Variants in PSMD11 observed in about 807,000 individuals in gnomAD.
The protein encoded by PSMD11 is 26S proteasome non-ATPase regulatory subunit 11.
PSMD11 carries 5 observed loss-of-function variants against 62.3 expected under a neutral mutation model. The observed-to-expected ratio is 0.08, with a 90% CI of 0.04 to 0.17. PSMD11 has a LOEUF of 0.17. Ranked by LOEUF, PSMD11 falls within the 10% of genes least tolerant of loss-of-function variation. The probability of loss-of-function intolerance (pLI) is 1.00; values close to 1 mark genes in which losing one functional copy is unlikely to be tolerated. For missense variants in PSMD11, 310 were observed against 512.9 expected, an observed-to-expected ratio of 0.60 and a Z score of 3.82; for synonymous variants, 191 against 191.8, an observed-to-expected ratio of 1.00 and a Z score of 0.03.
intron 3 of PSMD11, among the ~76,000 whole-genome samples, chr17:32,462,109 G>C (rs1907862443): frequency 6.6e-6 from 1 of 152,164 alleles, no homozygotes; most frequent in Admixed American, 6.5e-5. Flanking sequence ...CTCTATTCTA[G>C]ACTAATGAAT....
rs539512290 is a variant in PSMD11, at chr17:32,444,900, C to G, written c.91+286C>G. The G allele has an allele frequency of 1.8e-4, 90 of 504,172 alleles. 3 individuals are homozygous for G. In the South Asian group the frequency reaches 2.0e-3, roughly 11 times the overall value. 31.2% of individuals were successfully genotyped at this position (504,172 alleles called of 1,614,324 possible). On this transcript the variant is annotated intron_variant, in intron 1 of 13. Transcript: ENST00000261712. ...CCGAGCCGGGCCCCCGGGGATCCCT[C>G]CCTAGCCATGTCCCCGGCTCTGGCC...
At chr17:32,478,018 C>T (rs1908380689) in intron 9 of PSMD11, among the ~76,000 whole-genome samples, 2 of 152,186 alleles carry the variant, frequency 1.3e-5, no homozygotes, top group Admixed American at 6.5e-5. Flanking sequence ...CAGGTCTGCT[C>T]CTCTGTGGAC....
rs137933727 is a variant in PSMD11, at chr17:32,454,090, C to T, written c.194-405C>T. Among the ~76,000 whole-genome samples the T allele has an allele frequency of 5.8e-3, 880 of 152,256 alleles. 9 individuals are homozygous for T. Among genetic ancestry groups the T allele is most frequent in the African/African-American group, 0.019 (787 of 41,534 alleles). ...ACTTGGAAGTTAGAAAAAAATTACC[C>T]CTATGACCTGATCATATTTATTGGT... On this transcript the variant is annotated intron_variant, in intron 2 of 13. Coordinates refer to ENST00000261712, the MANE Select transcript of PSMD11 (RefSeq NM_002815.4).
At position 32,477,986 on chromosome 17, in the gene PSMD11, A is replaced by G. The variant is rs117339146; in HGVS notation, c.912+403A>G. ...TGTTCCACATGACACAGTTGTAGGC[A>G]TTCCTTCAGCTCCAGAAATGCCAGG... On this transcript the variant is annotated intron_variant, in intron 9 of 13. Coordinates refer to ENST00000261712, the MANE Select transcript of PSMD11 (RefSeq NM_002815.4). 1.8e-3 allele frequency among the ~76,000 whole-genome samples: 278 copies of G among 152,346 alleles called. No homozygotes were observed. The Middle Eastern group carries it at 0.02, about 11-fold the overall frequency.
chr17:32,469,041 C>T lies in PSMD11; in HGVS notation c.491C>T (p.Ala164Val). The change falls in exon 6 of 14, where the codon GCT (alanine) becomes GTT (valine). Residue 164 changes from alanine to valine, a missense_variant. By Grantham distance (64) the Ala-to-Val change is moderately conservative (BLOSUM62 0). Coordinates refer to ENST00000261712, the MANE Select transcript of PSMD11 (RefSeq NM_002815.4). Reference sequence around the variant, plus strand: ...GAGTTGAAAAAGATGGACGACAAAGCTCTTTTGGTGGAAGTACAGCTTTTA... The same window carrying T: ...GAGTTGAAAAAGATGGACGACAAAGTTCTTTTGGTGGAAGTACAGCTTTTA... Reference protein sequence around the residue: ...LRELKKMDDKALLVEVQLLES... With the variant: ...LRELKKMDDKVLLVEVQLLES... 1.9e-6 allele frequency: 3 copies of T among 1,613,860 alleles called. No homozygotes were observed. The highest frequency in any genetic ancestry group is 2.5e-6 in the Non-Finnish European group (3 of 1,179,962).
chr17:32,479,375 A>G lies in PSMD11; in HGVS notation c.1037A>G (p.Gln346Arg). The change falls in exon 10 of 14, where the codon CAG becomes CGG. Residue 346 changes from glutamine (Q) to arginine (R), a missense_variant and splice_region_variant. By Grantham distance (43) the Gln-to-Arg change is conservative. Transcript: ENST00000261712. ...IRVIEPFSRV[Q>R]IEHISSLIKL... ...GTCATTGAGCCTTTTTCCAGAGTAC[A>G]GGTGAGAACCCTCTGGGGACTCCAT... 6.2e-7 allele frequency: 1 copy of G among 1,614,112 alleles called. No individual in the cohort carries two copies. Among genetic ancestry groups the G allele is most frequent in the South Asian group, 1.1e-5 (1 of 91,072 alleles).
chr17:32,463,698 C>T (rs559098868), intron 3 of PSMD11, among the ~76,000 whole-genome samples: 1 of 152,188 alleles, frequency 6.6e-6, no homozygotes, highest in African/African-American at 2.4e-5. Context: ...CTATTTCTAA[C>T]CAGGGAGAAA....
rs935865971 is a variant in PSMD11, at chr17:32,480,385, C to A, written c.1127-104C>A. On this transcript the variant is annotated intron_variant, in intron 12 of 13. Transcript: ENST00000261712. The stretch of plus-strand genomic sequence containing the variant: ...GAATAGGGAGATGAATTCTATTTCC[C>A]TTCTTTTCTGGACACAGTGAGTCAA... The A allele has an allele frequency of 2.5e-5, 37 of 1,498,018 alleles. No individual in the cohort carries two copies. The Admixed American group carries it at 6.0e-4, about 24-fold the overall frequency. 92.8% of individuals were successfully genotyped at this position (1,498,018 alleles called of 1,614,324 possible).
chr17:32,451,917 AG>A (rs1044290595), intron 2 of PSMD11, among the ~76,000 whole-genome samples: 91 of 151,968 alleles, frequency 6.0e-4, no homozygotes, highest in African/African-American at 2.2e-3. Flanking sequence ...TTTTGTAGAG[AG>A]GGGGTTTCGC....
At chr17:32,468,918 A>G in intron 5 of PSMD11, 81 bp from the exon 6 acceptor site, 1 of 1,151,674 alleles carries the variant, frequency 8.7e-7, no homozygotes, top group Non-Finnish European at 1.2e-6. Flanking sequence ...TTTAATCCTG[A>G]GTGTTATGAG....
At chr17:32,464,227 C>G in intron 4 of PSMD11, 107 bp downstream of exon 4, 1 of 1,052,996 alleles carries the variant, frequency 9.5e-7, no homozygotes, top group Non-Finnish European at 1.5e-6. Flanking sequence ...TTGTAATTAC[C>G]TAGATACCGA....
Position 32,464,561 on chromosome 17 carries a change from A to C in PSMD11, c.431A>C (p.Gln144Pro). The change falls in exon 5 of 14, where the codon CAG becomes CCG. Residue 144 changes from glutamine to proline, a missense_variant. By Grantham distance (76) the Gln-to-Pro change is moderately conservative (BLOSUM62 -1). Transcript: ENST00000261712. ...TTGTACTTTGATACCAAGAGGTACC[A>C]GGAAGCATTGCATTTGGGTAAGTAA... ...VSLYFDTKRY[Q>P]EALHLGSQLL... is the part of the protein sequence containing the mutation. The C allele has an allele frequency of 6.2e-7, 1 of 1,609,640 alleles. No homozygotes were observed. The highest frequency in any genetic ancestry group is 1.7e-4 in the Middle Eastern group (1 of 6,048).
At chr17:32,473,715 G>C (rs764901132) in intron 6 of PSMD11, 86 bp from the exon 7 acceptor site, 1 of 1,423,730 alleles carries the variant, frequency 7.0e-7, no homozygotes, top group Non-Finnish European at 9.7e-7. Context: ...TGCCCATTTA[G>C]GTAGATGTCT....
intron 5 of PSMD11, among the ~76,000 whole-genome samples, chr17:32,467,331 C>T (rs888576838): frequency 6.6e-6 from 1 of 150,880 alleles, no homozygotes; most frequent in South Asian, 2.1e-4. Flanking sequence ...CTGCAACCTC[C>T]ACCTCCCGGG....
chr17:32,479,161 A>T, intron 9 of PSMD11, 90 bp from the exon 10 acceptor site: 1 of 1,499,966 alleles, frequency 6.7e-7, no homozygotes, highest in Non-Finnish European at 9.0e-7. Context: ...ATGTAGTTTT[A>T]TAAGGGCCAG....
intron 8 of PSMD11, 54 bp downstream of exon 8, chr17:32,474,878 G>A (rs376841660): frequency 4.9e-5 from 74 of 1,507,484 alleles, no homozygotes; most frequent in Non-Finnish European, 6.6e-5. Context: ...CATGTTTTCA[G>A]AGTCACAACG....
chr17:32,464,659 G>A (rs909242169), intron 5 of PSMD11, 81 bp downstream of exon 5: 1 of 1,086,480 alleles, frequency 9.2e-7, no homozygotes, highest in East Asian at 2.5e-5. Flanking sequence ...CTAATTACCT[G>A]TTAATAATTT....
chr17:32,449,613 G>T (rs1168304103), intron 2 of PSMD11, among the ~76,000 whole-genome samples: 2 of 152,064 alleles, frequency 1.3e-5, no homozygotes, highest in Non-Finnish European at 2.9e-5. Context: ...GAAGTGTACT[G>T]CTAAAGCTAT....
intron 2 of PSMD11, among the ~76,000 whole-genome samples, chr17:32,448,643 G>C (rs1388435561): frequency 1.3e-5 from 2 of 152,092 alleles, no homozygotes; most frequent in Admixed American, 1.3e-4. Context: ...AAAATGATGG[G>C]ATTACAGGTG....
Sources: allele counts gnomAD v4.1 joint callset (sites outside exome capture counted in the v4.1 genomes callset), GRCh38; gene constraint gnomAD v4.1.1; transcripts MANE v1.5; gene names NCBI Gene and HGNC (gene_info 2026-07-23, HGNC 2026-07-21).